Variants in KLRC4 observed in about 807,000 individuals in gnomAD.
KLRC4 encodes the protein killer cell lectin like receptor C4.
In KLRC4, 6 loss-of-function variants were observed where a neutral mutation model predicts 14.3. The ratio of observed to expected loss-of-function variants is 0.42; its 90% CI spans 0.23 to 0.83. KLRC4 has a LOEUF of 0.83. KLRC4 is among the 40% of genes least tolerant of loss of function. The probability of loss-of-function intolerance (pLI) is 0.29; values close to 1 mark genes in which losing one functional copy is unlikely to be tolerated. For missense variants in KLRC4, 158 were observed against 179.4 expected (o/e 0.88, Z 0.68); for synonymous variants, 53 against 60.5 (o/e 0.88, Z 0.57).
rs1226538447 is a variant in KLRC4 at position 10,408,937 on chromosome 12, C to CA, written c.260dup (p.Leu88ValfsTer22). ...AAGGAATAAGAACTATTGTTTTTAACACAGTGGCCATCAGGACAATGCAAA... is the reference window on the plus strand; with the variant it reads ...AAGGAATAAGAACTATTGTTTTTAACAACAGTGGCCATCAGGACAATGCAAA... On this transcript the variant is annotated frameshift_variant, in exon 2 of 4. Transcript: ENST00000309384. LOFTEE classifies it high-confidence loss of function. The CA allele has an allele frequency of 1.9e-6, 3 of 1,613,574 alleles. No individual in the cohort carries two copies. The highest frequency in any genetic ancestry group is 2.5e-6 in the Non-Finnish European group (3 of 1,179,712).
intron 2 of KLRC4, 141 bp downstream of exon 2, chr12:10,408,771 T>G (rs1218955176): frequency 9.6e-7 from 1 of 1,039,632 alleles, no homozygotes; most frequent in Non-Finnish European, 1.4e-6. Flanking sequence ...ATTTGAAAAG[T>G]TCAGAAGCAG....
chr12:10,408,371 G>A lies in KLRC4; in HGVS notation c.298C>T (p.Leu100=), dbSNP rs930889860. ...TIVLIPCIGV[L]EQNNFSLNRR... Reference sequence around the variant, plus strand: ...TTCAGGGAAAAATTGTTCTGCTCCAGTACTCCAATACCTAGAAAAATTAAA... The same window carrying A: ...TTCAGGGAAAAATTGTTCTGCTCCAATACTCCAATACCTAGAAAAATTAAA... Residue 100 remains leucine (L), a synonymous_variant, in exon 3 of 4, where the codon CTG becomes TTG. Transcript: ENST00000309384. The A allele has an allele frequency of 5.5e-6, 8 of 1,461,956 alleles. No individual in the cohort carries two copies. The highest frequency in any genetic ancestry group is 7.6e-6 in the Non-Finnish European group (8 of 1,051,256). 90.6% of individuals were successfully genotyped at this position (1,461,956 alleles called of 1,614,324 possible).
At position 10,408,895 on chromosome 12, in the gene KLRC4, T is replaced by G. The variant is rs1863542019; in HGVS notation, c.286+17A>C. 1 of 1,613,352 alleles carries G rather than the reference T, an allele frequency of 6.2e-7. No homozygotes were observed. The highest frequency in any genetic ancestry group is 1.3e-5 in the African/African-American group (1 of 74,892). Reference sequence around the variant, plus strand: ...ATAGTGAAAAGTTCCCTTATAATCTTTCAAGAATATGCTTACAAGGAATAA... The same window carrying G: ...ATAGTGAAAAGTTCCCTTATAATCTGTCAAGAATATGCTTACAAGGAATAA... On this transcript the variant is annotated intron_variant, in intron 2 of 3. Transcript: ENST00000309384.
chr12:10,407,928 G>C, intron 3 of KLRC4, 139 bp from the exon 4 acceptor site: 1 of 1,236,016 alleles, frequency 8.1e-7, no homozygotes, highest in Non-Finnish European at 1.1e-6. Context: ...TTAAAATAAC[G>C]AGTCACTCAT....
chr12:10,407,786 C>T lies in KLRC4; in HGVS notation c.344G>A (p.Arg115His), dbSNP rs201936811. The T allele has an allele frequency of 8.2e-5, 131 of 1,598,702 alleles. No individual in the cohort carries two copies. Among genetic ancestry groups the T allele is most frequent in the African/African-American group, 3.4e-4 (25 of 74,062 alleles). Residue 115 changes from arginine to histidine, a missense_variant, in exon 4 of 4, where the codon CGT (arginine) becomes CAT (histidine). Arg to His is a conservative substitution (Grantham distance 29, BLOSUM62 0). Coordinates refer to ENST00000309384, the MANE Select transcript of KLRC4 (RefSeq NM_013431.2). ...FSLNRRMQKARHCGHCPEEWI... is the reference protein window; with the variant it reads ...FSLNRRMQKAHHCGHCPEEWI... ...CTCCTCAGGACAATGGCCACAATGA[C>T]GTGCTAAATAAAAATATGAATTACT...
At position 10,407,456 on chromosome 12, in the gene KLRC4, G is replaced by T; in HGVS notation, c.*197C>A. 1.8e-6 allele frequency: 1 copy of T among 568,766 alleles called. No individual in the cohort carries two copies. Among genetic ancestry groups the T allele is most frequent in the Non-Finnish European group, 2.8e-6 (1 of 355,632 alleles). 35.2% of individuals were successfully genotyped at this position (568,766 alleles called of 1,614,324 possible). On this transcript the variant is annotated 3_prime_UTR_variant, in exon 4 of 4. Coordinates refer to ENST00000309384, the MANE Select transcript of KLRC4 (RefSeq NM_013431.2). ...TGGGTTTCCATGAAAAGCAAAACTG[G>T]AAATAACCAAATGTGCATTAACAGT...
At position 10,409,669 on chromosome 12, in the gene KLRC4, G is replaced by A; in HGVS notation, c.-94C>T. 6.1e-6 allele frequency: 9 copies of A among 1,465,322 alleles called. No individual in the cohort carries two copies. The highest frequency in any genetic ancestry group is 8.2e-6 in the Non-Finnish European group (9 of 1,094,528). The allele number at this position is 1,465,322 out of a possible 1,614,324, so 90.8% of individuals were successfully genotyped here. On this transcript the variant is annotated 5_prime_UTR_variant, in exon 1 of 4. Coordinates refer to ENST00000309384, the MANE Select transcript of KLRC4 (RefSeq NM_013431.2). ...ATATTTTGACAGGATCCCTGGTATA[G>A]GCAAACTGCATGTGTTGGAGGCTGA...
chr12:10,407,614 T>C lies in KLRC4; in HGVS notation c.*39A>G. On this transcript the variant is annotated 3_prime_UTR_variant, in exon 4 of 4. Coordinates refer to ENST00000309384, the MANE Select transcript of KLRC4 (RefSeq NM_013431.2). ...TGACAGAAATAAGCTTTTAGTAAAG[T>C]GTTGAAACATTTACGTCTTACCATT... 3 of 1,601,314 alleles carry C rather than the reference T, an allele frequency of 1.9e-6. No individual in the cohort carries two copies. Among genetic ancestry groups the C allele is most frequent in the Non-Finnish European group, 2.6e-6 (3 of 1,174,514 alleles).
chr12:10,407,905 TTAAA>T, intron 3 of KLRC4, 116 bp from the exon 4 acceptor site: 1 of 1,357,636 alleles, frequency 7.4e-7, no homozygotes, highest in Non-Finnish European at 9.9e-7. Flanking sequence ...TCATAAGTTG[TTAAA>T]TATATATTTT....
intron 1 of KLRC4, 89 bp from the exon 2 acceptor site, chr12:10,409,099 A>G (rs555701362): frequency 1.1e-5 from 15 of 1,387,816 alleles, no homozygotes; most frequent in Middle Eastern, 1.8e-4. Context: ...GCACAGGAAA[A>G]CATAATGATA....
chr12:10,409,326 A>G (rs1439705343), intron 1 of KLRC4, 63 bp downstream of exon 1: 3 of 1,483,830 alleles, frequency 2.0e-6, no homozygotes, highest in Non-Finnish European at 2.8e-6. Flanking sequence ...ATCTTTCCCC[A>G]CCTTTCTGCA....
At chr12:10,408,267 C>T in intron 3 of KLRC4, 62 bp downstream of exon 3, 1 of 928,760 alleles carries the variant, frequency 1.1e-6, no homozygotes, top group South Asian at 1.4e-5. Flanking sequence ...TATCATTTTG[C>T]ATCCCTTTAG....
chr12:10,409,219 T>G (rs768975020), intron 1 of KLRC4, among the ~76,000 whole-genome samples, 170 bp downstream of exon 1: 8 of 152,230 alleles, frequency 5.3e-5, no homozygotes, highest in Non-Finnish European at 1.0e-4. Context: ...AAATTACAAT[T>G]GAACAATGCC....
chr12:10,408,268 A>G, intron 3 of KLRC4, 61 bp downstream of exon 3: 1 of 934,860 alleles, frequency 1.1e-6, no homozygotes, highest in Non-Finnish European at 1.7e-6. Context: ...ATCATTTTGC[A>G]TCCCTTTAGA....
chr12:10,407,691 A>T lies in KLRC4; in HGVS notation c.439T>A (p.Trp147Arg), dbSNP rs778923545. The T allele has an allele frequency of 1.2e-6, 2 of 1,613,892 alleles. No individual in the cohort carries two copies. Among genetic ancestry groups the T allele is most frequent in the East Asian group, 2.2e-5 (1 of 44,856 alleles). The change falls in exon 4 of 4, where the codon TGG becomes AGG. Residue 147 changes from tryptophan to arginine, a missense_variant. Transcript: ENST00000309384. ...ATCAGAGTTCTTCGAAGCACAGGCC[A>T]GCAAACTCTTTCTTCCCAAGTTCTT... ...ERRTWEERVC[W>R]PVLRRTLICF...
intron 2 of KLRC4, among the ~76,000 whole-genome samples, chr12:10,408,595 A>T (rs1863537009): frequency 6.6e-6 from 1 of 152,138 alleles, no homozygotes; most frequent in Non-Finnish European, 1.5e-5. Flanking sequence ...TATTTGATCT[A>T]ACCACTTTCA....
Position 10,409,402 on chromosome 12 carries a change from T to C in KLRC4, c.174A>G (p.Thr58=), listed in dbSNP as rs1863551192. The change falls in exon 1 of 4, where the codon ACA becomes ACG. Residue 58 remains threonine, a synonymous_variant. Coordinates refer to ENST00000309384, the MANE Select transcript of KLRC4 (RefSeq NM_013431.2). ...ASSDHQGNDK[T]YHCKGLLPPP... ...TTAATGTTTTACCTTTGCAGTGATA[T>C]GTCTTGTCATTCCCTTGATGATCCG... The C allele has an allele frequency of 1.2e-6, 2 of 1,609,904 alleles. No homozygotes were observed. Among genetic ancestry groups the C allele is most frequent in the Non-Finnish European group, 1.7e-6 (2 of 1,176,034 alleles).
intron 1 of KLRC4, 37 bp from the exon 2 acceptor site, chr12:10,409,047 T>G (rs117527280): frequency 6.2e-7 from 1 of 1,610,870 alleles, no homozygotes; most frequent in Non-Finnish European, 8.5e-7. Context: ...AGAGGGGAGA[T>G]AGAGAGTTGA....
At chr12:10,408,869 T>G in intron 2 of KLRC4, 43 bp downstream of exon 2, 1 of 1,611,408 alleles carries the variant, frequency 6.2e-7, no homozygotes, top group Non-Finnish European at 8.5e-7. Context: ...TTCCAATCAT[T>G]ATAGTGAAAA....
Sources: allele counts gnomAD v4.1 joint callset (sites outside exome capture counted in the v4.1 genomes callset), GRCh38; gene constraint gnomAD v4.1.1; transcripts MANE v1.5; gene names NCBI Gene and HGNC (gene_info 2026-07-23, HGNC 2026-07-21).